MACF1: variants seen among roughly 807,000 people sequenced by gnomAD.
MACF1 encodes the protein microtubule actin crosslinking factor 1.
In MACF1, 193 loss-of-function variants were observed where a neutral mutation model predicts 854.8. The observed-to-expected ratio is 0.23, with a 90% CI of 0.20 to 0.25. The LOEUF (loss-of-function observed/expected upper bound fraction) is 0.25, where lower values mean the gene tolerates loss of function less well. Among genes scored for constraint, MACF1 ranks in the 10% least tolerant of loss-of-function variants. The pLI is 1.00. For synonymous variants in MACF1, 3,185 were observed against 3,226.7 expected (o/e 0.99, Z 0.44); for missense variants, 7,722 against 8,929.1 (o/e 0.86, Z 5.45).
chr1:39,417,752 A>ATTTTTTTTTTTTTTTTTTTTTTT (rs1178242621), intron 58 of MACF1, among the ~76,000 whole-genome samples: 1 of 36,568 alleles, frequency 2.7e-5, no homozygotes, highest in Non-Finnish European at 5.5e-5. Context: ...TTTTTTTTGG[A>ATTTTTTTTTTTTTTTTTTTTTTT]TTTTTAGTAG....
At chr1:39,098,172 A>G (rs1045511802) in intron 2 of MACF1, among the ~76,000 whole-genome samples, 1 of 152,256 alleles carries the variant, frequency 6.6e-6, no homozygotes, top group Non-Finnish European at 1.5e-5. Flanking sequence ...TTTTACTGAC[A>G]AAGAAGCTGG....
At chr1:39,122,633 C>G (rs1012664851) in intron 2 of MACF1, among the ~76,000 whole-genome samples, 26 of 152,078 alleles carry the variant, frequency 1.7e-4, no homozygotes, top group Admixed American at 6.6e-5. Flanking sequence ...AGGATTAAAC[C>G]CAGTTGAAAT....
intron 3 of MACF1, 72 bp from the exon 4 acceptor site, chr1:39,251,774 A>G: frequency 1.2e-6 from 1 of 866,334 alleles, no homozygotes; most frequent in Non-Finnish European, 1.6e-6. Flanking sequence ...TGTTGCATTC[A>G]TTTCCTTTCC....
At chr1:39,481,057 A>C in intron 99 of MACF1, 27 bp downstream of exon 99, 3 of 1,423,572 alleles carry the variant, frequency 2.1e-6, no homozygotes, top group Non-Finnish European at 2.9e-6. Flanking sequence ...CTGACTGAGG[A>C]CACAGTCAAG....
At chr1:39,310,173 A>T in intron 24 of MACF1, 72 bp from the exon 25 acceptor site, 1 of 1,230,898 alleles carries the variant, frequency 8.1e-7, no homozygotes, top group Non-Finnish European at 1.1e-6. Context: ...ATGTTACTTC[A>T]GTAAAATGGA....
intron 44 of MACF1, 49 bp downstream of exon 44, chr1:39,353,280 C>A: frequency 7.0e-7 from 1 of 1,420,844 alleles, no homozygotes; most frequent in Non-Finnish European, 9.6e-7. Context: ...CTCTCCTGCC[C>A]TGAGCAAGTA....
intron 2 of MACF1, among the ~76,000 whole-genome samples, chr1:39,122,273 G>C (rs1336518342): frequency 1.1e-5 from 1 of 88,718 alleles, no homozygotes; most frequent in African/African-American, 4.3e-5. Context: ...TTTTTTTTTT[G>C]AGATGGAGTC....
At chr1:39,248,482 G>A (rs762975263) in intron 2 of MACF1, among the ~76,000 whole-genome samples, 1 of 151,916 alleles carries the variant, frequency 6.6e-6, no homozygotes, top group African/African-American at 2.4e-5. Context: ...TGGTATTACA[G>A]GTGTGAGCCA....
rs560376476 is a variant in MACF1 at position 39,106,799 on chromosome 1, C to G, written c.220+22361C>G. ...GCTGTAAAACGCCCCCCCTCTCCCC[C>G]CTCCCCCCCACTTTTTTTTTCTTGT... On this transcript the variant is annotated intron_variant, in intron 2 of 93. Coordinates refer to the MACF1 transcript ENST00000361689. 2.9e-5 allele frequency among the ~76,000 whole-genome samples: 4 copies of G among 140,022 alleles called. No individual in the cohort carries two copies. The East Asian group carries it at 9.8e-4, about 34-fold the overall frequency. 91.9% of individuals were successfully genotyped at this position (140,022 alleles called of 152,430 possible). A position where few individuals can be genotyped will look rare whatever the true frequency, so the allele number is the denominator to read the frequency against.
chr1:39,213,581 C>T (rs1308022968), intron 1 of MACF1, among the ~76,000 whole-genome samples: 6 of 152,320 alleles, frequency 3.9e-5, no homozygotes, highest in Non-Finnish European at 7.3e-5. Context: ...AGGCAGTTTA[C>T]CCGCCTTGGC....
At chr1:39,434,357 C>CT in intron 68 of MACF1, 57 bp from the exon 69 acceptor site, 1 of 1,018,128 alleles carries the variant, frequency 9.8e-7, no homozygotes, top group Non-Finnish European at 1.4e-6. Flanking sequence ...TACTTTTTTT[C>CT]TTAAGAGTTT....
chr1:39,216,058 C>A (rs1010198182), intron 1 of MACF1, among the ~76,000 whole-genome samples: 11 of 152,072 alleles, frequency 7.2e-5, no homozygotes, highest in Non-Finnish European at 1.3e-4. Flanking sequence ...AGTGACTTAA[C>A]CTTTTTGGCC....
chr1:39,422,711 C>G lies in MACF1; in HGVS notation c.15979-19C>G. On this transcript the variant is annotated intron_variant, in intron 59 of 100. Transcript: ENST00000564288. The stretch of plus-strand genomic sequence containing the variant: ...TACTTTCTCCGTTCTCATAATGAAC[C>G]TACATGTTCATGATACAGGTCGCAC... The G allele has an allele frequency of 6.2e-7, 1 of 1,609,626 alleles. No homozygotes were observed. The highest frequency in any genetic ancestry group is 8.5e-7 in the Non-Finnish European group (1 of 1,176,298).
At chr1:39,402,321 G>A (rs1011492315) in intron 58 of MACF1, among the ~76,000 whole-genome samples, 3 of 152,164 alleles carry the variant, frequency 2.0e-5, no homozygotes, top group African/African-American at 7.2e-5. Flanking sequence ...GTTAGTCCCA[G>A]GGGGAGGCCC....
chr1:39,155,251 GA>G (rs1643660023), intron 2 of MACF1, among the ~76,000 whole-genome samples: 1 of 152,080 alleles, frequency 6.6e-6, no homozygotes, highest in African/African-American at 2.4e-5. Context: ...ATTTTTATCT[GA>G]TAAATGTTAT....
At chr1:39,126,406 A>G (rs1018469870) in intron 2 of MACF1, among the ~76,000 whole-genome samples, 3 of 152,216 alleles carry the variant, frequency 2.0e-5, no homozygotes, top group African/African-American at 7.2e-5. Flanking sequence ...TAAGTTGATC[A>G]TTTGTAAAGA....
chr1:39,334,100 T>G lies in MACF1; in HGVS notation c.7512T>G (p.Asp2504Glu), dbSNP rs1646772373. The G allele has an allele frequency of 2.5e-6, 4 of 1,614,162 alleles. No homozygotes were observed. Among genetic ancestry groups the G allele is most frequent in the Non-Finnish European group, 3.4e-6 (4 of 1,180,014 alleles). The change falls in exon 37 of 101, where the codon GAT (aspartate) becomes GAG (glutamate). Residue 2504 changes from aspartate to glutamate, a missense_variant. Coordinates refer to ENST00000564288, the MANE Select transcript of MACF1 (RefSeq NM_001394062.1). ...GTTTGTTGACTAAGCAAGTGGTAGA[T>G]GGAGGTATCATTCACCATATATCTG... ...AVRLLTKQVV[D>E]GGIIHHISGM...
Position 39,327,282 on chromosome 1 carries a change from G to A in MACF1, c.4543G>A (p.Asp1515Asn). 1 of 1,607,828 alleles carries A rather than the reference G, an allele frequency of 6.2e-7. No individual in the cohort carries two copies. Residue 1515 changes from aspartate to asparagine, a missense_variant, in exon 36 of 101, where the codon GAC (aspartate) becomes AAC (asparagine). Asp to Asn is a conservative substitution (Grantham distance 23). Coordinates refer to ENST00000564288, the MANE Select transcript of MACF1 (RefSeq NM_001394062.1). ...QLNALNKAYH[D>N]LCDGSANQLQ... ...GAATGCCCTAAACAAGGCTTACCATGACCTTTGTGATGGTTCTGCAAATCA... is the reference window on the plus strand; with the variant it reads ...GAATGCCCTAAACAAGGCTTACCATAACCTTTGTGATGGTTCTGCAAATCA...
At chr1:39,438,116 TC>T in intron 71 of MACF1, 108 bp downstream of exon 71, 1 of 969,600 alleles carries the variant, frequency 1.0e-6, no homozygotes, top group Non-Finnish European at 1.5e-6. Flanking sequence ...GTAAAGGCAG[TC>T]CCCAGTAATG....
Sources: gnomAD v4.1 joint callset for allele counts (sites outside exome capture counted in the v4.1 genomes callset) on GRCh38, gnomAD v4.1.1 for gene constraint, MANE v1.5 for transcripts, NCBI Gene and HGNC (gene_info 2026-07-23, HGNC 2026-07-21) for gene names.